Variants in DLAT observed in about 807,000 individuals in gnomAD.
DLAT encodes dihydrolipoyllysine-residue acetyltransferase component of pyruvate dehydrogenase complex, mitochondrial.
In DLAT, 43 loss-of-function variants were observed where a neutral mutation model predicts 68.0. The observed-to-expected ratio is 0.63, with a 90% CI of 0.50 to 0.81. DLAT has a LOEUF of 0.81. Ranked by LOEUF, DLAT falls within the 40% of genes least tolerant of loss-of-function variation. The probability of loss-of-function intolerance (pLI) is 0.00; values close to 1 mark genes in which losing one functional copy is unlikely to be tolerated. For synonymous variants in DLAT, 265 were observed against 288.6 expected, an observed-to-expected ratio of 0.92 and a Z score of 0.83; for missense variants, 745 against 815.4, an observed-to-expected ratio of 0.91 and a Z score of 1.05.
chr11:112,043,307 T>C (rs1592688283), intron 7 of DLAT, among the ~76,000 whole-genome samples, 159 bp from the exon 8 acceptor site: 1 of 152,218 alleles, frequency 6.6e-6, no homozygotes, highest in East Asian at 1.9e-4. Context: ...AAGCTGGTAT[T>C]TGTAGGTAGC....
rs2135179630 is a variant in DLAT, at chr11:112,063,184, A to C, written c.*649A>C. Reference sequence around the variant, plus strand: ...TGGTTATTCCCCCCTACTTGAGATAATCTAAATATAAACCAGCTACTTGAT... The same window carrying C: ...TGGTTATTCCCCCCTACTTGAGATACTCTAAATATAAACCAGCTACTTGAT... On this transcript the variant is annotated 3_prime_UTR_variant, in exon 14 of 14. Coordinates refer to ENST00000280346, the MANE Select transcript of DLAT (RefSeq NM_001931.5). 6.6e-6 allele frequency: 1 copy of C among 152,422 alleles called. No individual in the cohort carries two copies. The highest frequency in any genetic ancestry group is 3.4e-3 in the Middle Eastern group (1 of 294). The allele number at this position is 152,422 out of a possible 1,614,324, so 9.4% of individuals were successfully genotyped here.
At chr11:112,032,069 A>C (rs1592666925) in intron 4 of DLAT, among the ~76,000 whole-genome samples, 1 of 151,386 alleles carries the variant, frequency 6.6e-6, no homozygotes, top group East Asian at 1.9e-4. Context: ...TTAGCAGAGG[A>C]GGGGGTTTCG....
In DLAT at chr11:112,045,310, A is replaced by G. The variant is rs1462523673; in HGVS notation, c.1290+80A>G. 15 of 1,165,738 alleles carry G rather than the reference A, an allele frequency of 1.3e-5. No homozygotes were observed. In the African/African-American group the frequency reaches 2.1e-4, roughly 16 times the overall value. 72.2% of individuals were successfully genotyped at this position (1,165,738 alleles called of 1,614,324 possible). A position where few individuals can be genotyped will look rare whatever the true frequency, so the allele number is the denominator to read the frequency against. On this transcript the variant is annotated intron_variant, in intron 9 of 13. Transcript: ENST00000280346. ...TAGTTGCTTCCATAGTTTTTAACAC[A>G]TTAACAGAGGCTTTTTAAGTTGGGA... is the stretch of plus-strand genomic sequence containing the variant.
intron 12 of DLAT, among the ~76,000 whole-genome samples, chr11:112,060,821 A>G (rs1395829460): frequency 2.0e-5 from 3 of 152,188 alleles, no homozygotes; most frequent in African/African-American, 7.2e-5. Context: ...ATTCAATCAT[A>G]TATCCAAAAG....
chr11:112,025,742 G>C lies in DLAT; in HGVS notation c.270G>C (p.Pro90=), dbSNP rs782473772. 1.3e-4 allele frequency: 214 copies of C among 1,613,094 alleles called. 1 individual carries two copies. The highest frequency in any genetic ancestry group is 5.3e-5 in the Non-Finnish European group (63 of 1,179,974). ...GCCGCCGCTATTACAGTCTTCCCCCGCATCAGAAGGTGAGCCCTAGACCCC... is the reference window on the plus strand; with the variant it reads ...GCCGCCGCTATTACAGTCTTCCCCCCCATCAGAAGGTGAGCCCTAGACCCC... ...SPGRRYYSLP[P]HQKVPLPSLS... The change falls in exon 1 of 14, where the codon CCG becomes CCC. Residue 90 remains proline, a synonymous_variant. Transcript: ENST00000280346.
intron 11 of DLAT, among the ~76,000 whole-genome samples, chr11:112,055,848 C>CTGTTTTTTTT (rs1864006641): frequency 3.1e-5 from 1 of 31,988 alleles, no homozygotes; most frequent in Non-Finnish European, 6.1e-5. Flanking sequence ...CATATAGACA[C>CTGTTTTTTTT]TTTTTTTTTT....
intron 2 of DLAT, among the ~76,000 whole-genome samples, chr11:112,026,800 A>G (rs1862046665): frequency 6.6e-6 from 1 of 152,214 alleles, no homozygotes; most frequent in East Asian, 1.9e-4. Context: ...CGCCATTGTC[A>G]TCATGGCCCG....
chr11:112,034,940 A>G (rs889999892), intron 5 of DLAT, among the ~76,000 whole-genome samples: 12 of 151,596 alleles, frequency 7.9e-5, no homozygotes, highest in Non-Finnish European at 1.5e-4. Flanking sequence ...TGCCTGGCTA[A>G]TTTTTTGCAT....
In DLAT at chr11:112,051,175, A is replaced by G; in HGVS notation, c.1399-59A>G. 8.1e-7 allele frequency: 1 copy of G among 1,231,268 alleles called. No individual in the cohort carries two copies. The allele number at this position is 1,231,268 out of a possible 1,614,324, so 76.3% of individuals were successfully genotyped here. A position where few individuals can be genotyped will look rare whatever the true frequency, so the allele number is the denominator to read the frequency against. On this transcript the variant is annotated intron_variant, in intron 10 of 13. Transcript: ENST00000280346. This position sits in a 1 kb window ranked among gnomAD's most constrained non-coding sequence, Gnocchi z 4.3. Reference sequence around the variant, plus strand: ...GGACATTCTGCACATGCACCCTGAAACTTAAAATTAAAATTAAAATTAAAA... The same window carrying G: ...GGACATTCTGCACATGCACCCTGAAGCTTAAAATTAAAATTAAAATTAAAA...
Position 112,028,647 on chromosome 11 carries a change from G to A in DLAT, c.506+8G>A. ...CTGTATCACAGTTGGCAAGTGAGTA[G>A]TGCGCTCATAATTTGTGGAACTTCA... On this transcript the variant is annotated splice_region_variant and intron_variant, in intron 3 of 13. Transcript: ENST00000280346. The A allele has an allele frequency of 1.9e-6, 3 of 1,614,180 alleles. No homozygotes were observed. The highest frequency in any genetic ancestry group is 1.6e-4 in the Middle Eastern group (1 of 6,062).
chr11:112,033,888 T>C (rs1398570000), intron 5 of DLAT, among the ~76,000 whole-genome samples: 1 of 152,122 alleles, frequency 6.6e-6, no homozygotes, highest in Admixed American at 6.5e-5. Flanking sequence ...CACACCTAGC[T>C]GATTTTTTAA....
intron 5 of DLAT, among the ~76,000 whole-genome samples, chr11:112,033,772 C>A (rs147878112): frequency 6.6e-6 from 1 of 152,226 alleles, no homozygotes; most frequent in South Asian, 2.1e-4. Flanking sequence ...GGCTGGAGTG[C>A]GGTGGCAAGA....
At chr11:112,037,238 C>T (rs185998836) in intron 5 of DLAT, 35 bp from the exon 6 acceptor site, 1,344 of 1,592,992 alleles carry the variant, frequency 8.4e-4, no homozygotes, top group Non-Finnish European at 9.0e-4. Flanking sequence ...AGTGGAATCT[C>T]TTAAGTCCCA....
Position 112,028,639 on chromosome 11 carries a change from A to G in DLAT, c.506A>G (p.Lys169Arg). ...GCGATCATCTGTATCACAGTTGGCAAGTGAGTAGTGCGCTCATAATTTGTG... is the reference window on the plus strand; with the variant it reads ...GCGATCATCTGTATCACAGTTGGCAGGTGAGTAGTGCGCTCATAATTTGTG... ...IGAIICITVG[K>R]PEDIEAFKNY... The change falls in exon 3 of 14, where the codon AAG becomes AGG. Residue 169 changes from lysine to arginine, a missense_variant and splice_region_variant. Transcript: ENST00000280346. The G allele has an allele frequency of 6.2e-7, 1 of 1,614,184 alleles. No individual in the cohort carries two copies. The highest frequency in any genetic ancestry group is 2.2e-5 in the East Asian group (1 of 44,876).
At chr11:112,060,814 C>T (rs1367980958) in intron 12 of DLAT, among the ~76,000 whole-genome samples, 1 of 152,122 alleles carries the variant, frequency 6.6e-6, no homozygotes, top group Non-Finnish European at 1.5e-5. Context: ...AAGTAAAATT[C>T]AATCATATAT....
intron 5 of DLAT, among the ~76,000 whole-genome samples, chr11:112,034,503 C>T (rs1405683348): frequency 3.3e-5 from 5 of 150,738 alleles, no homozygotes; most frequent in African/African-American, 4.9e-5. Flanking sequence ...AGTGCAGTGG[C>T]GCAGTCTCAG....
intron 5 of DLAT, among the ~76,000 whole-genome samples, chr11:112,035,871 A>G (rs1862695207): frequency 2.7e-5 from 4 of 148,132 alleles, no homozygotes; most frequent in South Asian, 2.1e-4. Flanking sequence ...GCTCACTGCA[A>G]TTTCCACCTC....
At chr11:112,036,197 GTGTGTTTTTTTTT>G (rs1862747582) in intron 5 of DLAT, among the ~76,000 whole-genome samples, 62 of 59,490 alleles carry the variant, frequency 1.0e-3, no homozygotes, top group Non-Finnish European at 1.4e-3. Flanking sequence ...GTGTGTGTGT[GTGTGTTTTTTTTT>G]TTTTTTTTTT....
chr11:112,048,939 C>T (rs1019952944), intron 10 of DLAT, among the ~76,000 whole-genome samples: 8 of 146,240 alleles, frequency 5.5e-5, no homozygotes, highest in East Asian at 4.0e-4. Flanking sequence ...AATCAGGAAA[C>T]GTGAGTCATC....
Sources: gnomAD v4.1 joint callset for allele counts (sites outside exome capture counted in the v4.1 genomes callset) on GRCh38, gnomAD v4.1.1 for gene constraint, Gnocchi (gnomAD v3.1) non-coding constraint, MANE v1.5 for transcripts, NCBI Gene and HGNC (gene_info 2026-07-23, HGNC 2026-07-21) for gene names.